The following TNFSF4 variants were observed in gnomAD, a reference collection of about 807,000 sequenced individuals.
The protein encoded by TNFSF4 is TNF superfamily member 4.
A neutral mutation model predicts 7.3 loss-of-function variants in TNFSF4; 4 were observed. The ratio of observed to expected loss-of-function variants is 0.55; its 90% CI spans 0.27 to 1.25. TNFSF4 has a LOEUF of 1.25. Among genes scored for constraint, TNFSF4 ranks in the 50% most tolerant of loss-of-function variants. The probability of loss-of-function intolerance (pLI) is 0.12; values close to 1 mark genes in which losing one functional copy is unlikely to be tolerated. For missense variants in TNFSF4, 181 were observed against 208.8 expected, an observed-to-expected ratio of 0.87 and a Z score of 0.82; for synonymous variants, 76 against 83.7, an observed-to-expected ratio of 0.91 and a Z score of 0.50.
the TNFSF4 span, among the ~76,000 whole-genome samples, chr1:173,365,179 CACA>C: frequency 5.3e-5 from 8 of 151,392 alleles, no homozygotes; most frequent in Admixed American, 2.0e-4. Context: ...TGCTAACAAA[CACA>C]ACAATGATAT....
the TNFSF4 span, among the ~76,000 whole-genome samples, chr1:173,232,796 G>C: frequency 6.6e-6 from 1 of 152,150 alleles, no homozygotes; most frequent in African/African-American, 2.4e-5. Flanking sequence ...TGTTGAACCA[G>C]CCTTGCATCC....
intron 2 of TNFSF4, among the ~76,000 whole-genome samples, chr1:173,187,763 C>T (rs1407571717): frequency 1.3e-5 from 2 of 152,168 alleles, no homozygotes; most frequent in Non-Finnish European, 1.5e-5. Context: ...AGCCAAAAAG[C>T]CTGAACTTCT....
At chr1:173,286,455 T>C in the TNFSF4 span, among the ~76,000 whole-genome samples, 1 of 152,182 alleles carries the variant, frequency 6.6e-6, no homozygotes, top group African/African-American at 2.4e-5. Flanking sequence ...CCTACACATA[T>C]ACAGTCACCT....
intron 1 of TNFSF4, chr1:173,205,336 A>G: frequency 6.2e-7 from 1 of 1,612,132 alleles, no homozygotes; most frequent in Non-Finnish European, 8.5e-7. Context: ...CCTAGAAACC[A>G]GCACCCTGCT....
At chr1:173,236,502 G>C in the TNFSF4 span, among the ~76,000 whole-genome samples, 1 of 151,684 alleles carries the variant, frequency 6.6e-6, no homozygotes, top group African/African-American at 2.4e-5. Flanking sequence ...GTTAAGAAAT[G>C]TTTTGCATGT....
the TNFSF4 span, among the ~76,000 whole-genome samples, chr1:173,307,802 C>T: frequency 6.6e-6 from 1 of 151,884 alleles, no homozygotes; most frequent in Non-Finnish European, 1.5e-5. Flanking sequence ...AAAATAGTAA[C>T]ACTTGGTTAA....
chr1:173,358,031 T>A, the TNFSF4 span, among the ~76,000 whole-genome samples: 2 of 63,418 alleles, frequency 3.2e-5, no homozygotes, highest in Non-Finnish European at 3.0e-5. Context: ...ATGATTAAGT[T>A]AAGGATTTTG....
the TNFSF4 span, among the ~76,000 whole-genome samples, chr1:173,370,985 A>C: frequency 6.6e-6 from 1 of 152,334 alleles, no homozygotes; most frequent in East Asian, 1.9e-4. Context: ...AGTCACTGGA[A>C]GATGCACTGC....
chr1:173,312,334 T>C, the TNFSF4 span, among the ~76,000 whole-genome samples: 2 of 152,128 alleles, frequency 1.3e-5, no homozygotes, highest in African/African-American at 2.4e-5. Context: ...TGAGACATTA[T>C]GAATTTTTAC....
chr1:173,178,814 A>T (rs777341403), downstream of TNFSF4, among the ~76,000 whole-genome samples: 1 of 152,138 alleles, frequency 6.6e-6, no homozygotes, highest in Non-Finnish European at 1.5e-5. Context: ...TAAGTTAAAG[A>T]TCTTGAGATG....
the TNFSF4 span, among the ~76,000 whole-genome samples, chr1:173,269,777 C>G: frequency 6.6e-6 from 1 of 152,112 alleles, no homozygotes; most frequent in East Asian, 1.9e-4. Flanking sequence ...TGGTTGACCA[C>G]TGGTAACTGA....
At chr1:173,423,308 G>A in the TNFSF4 span, among the ~76,000 whole-genome samples, 1 of 152,124 alleles carries the variant, frequency 6.6e-6, no homozygotes, top group Non-Finnish European at 1.5e-5. Context: ...AAGAGTAGAA[G>A]TTGATCTTCA....
the TNFSF4 span, among the ~76,000 whole-genome samples, chr1:173,304,832 G>A: frequency 1.3e-5 from 2 of 151,984 alleles, no homozygotes; most frequent in Non-Finnish European, 2.9e-5. Context: ...GCCACACATT[G>A]TCACTTCCAC....
the TNFSF4 span, among the ~76,000 whole-genome samples, chr1:173,245,062 C>A: frequency 6.6e-6 from 1 of 151,746 alleles, no homozygotes; most frequent in African/African-American, 2.4e-5. Flanking sequence ...TTTTTCACTT[C>A]TACAGAAGAG....
At chr1:173,351,587 G>A in the TNFSF4 span, 1 of 201,780 alleles carries the variant, frequency 5.0e-6, no homozygotes, top group South Asian at 1.9e-4. Flanking sequence ...AATTTGGCAA[G>A]AAGTTCTTTG....
At chr1:173,265,703 A>T in the TNFSF4 span, among the ~76,000 whole-genome samples, 2 of 152,270 alleles carry the variant, frequency 1.3e-5, no homozygotes, top group East Asian at 3.9e-4. Flanking sequence ...GACAGCTGAA[A>T]TCCAACCACA....
the TNFSF4 span, among the ~76,000 whole-genome samples, chr1:173,401,399 A>G: frequency 6.6e-6 from 1 of 152,152 alleles, no homozygotes; most frequent in African/African-American, 2.4e-5. Context: ...GCCAAAGATT[A>G]TTTGTGAGTG....
chr1:173,448,838 G>C, the TNFSF4 span, among the ~76,000 whole-genome samples: 1 of 152,186 alleles, frequency 6.6e-6, no homozygotes, highest in South Asian at 2.1e-4. Context: ...GGGATGCGAT[G>C]GCTTGGCTTG....
the TNFSF4 span, among the ~76,000 whole-genome samples, chr1:173,422,478 G>A: frequency 6.6e-6 from 1 of 152,090 alleles, no homozygotes; most frequent in Non-Finnish European, 1.5e-5. Context: ...TGTGATAACT[G>A]TGCACTGGAG....
Sources: gnomAD v4.1 joint callset for allele counts (sites outside exome capture counted in the v4.1 genomes callset) on GRCh38, gnomAD v4.1.1 for gene constraint, MANE v1.5 for transcripts, NCBI Gene and HGNC (gene_info 2026-07-23, HGNC 2026-07-21) for gene names.